The following CLYBL variants were observed in gnomAD, a reference collection of about 807,000 sequenced individuals.
CLYBL encodes the protein citramalyl-CoA lyase, mitochondrial.
CLYBL carries 31 observed loss-of-function variants against 38.9 expected under a neutral mutation model. The observed-to-expected ratio is 0.80, with a 90% CI of 0.60 to 1.08. The LOEUF (loss-of-function observed/expected upper bound fraction) is 1.08. Among genes scored for constraint, CLYBL ranks in the 50% least tolerant of loss-of-function variants. The probability of loss-of-function intolerance (pLI) is 0.00; values close to 1 mark genes in which losing one functional copy is unlikely to be tolerated. For missense variants in CLYBL, 434 were observed against 411.6 expected (o/e 1.05, Z -0.47); for synonymous variants, 171 against 158.6 (o/e 1.08, Z -0.59).
At chr13:99,729,828 G>A (rs544315829) in intron 1 of CLYBL, among the ~76,000 whole-genome samples, 22 of 152,296 alleles carry the variant, frequency 1.4e-4, no homozygotes, top group South Asian at 1.0e-3. Flanking sequence ...CCCTGCCACC[G>A]TCGGCCCTGT....
rs535296456 is a variant in CLYBL at position 99,606,721 on chromosome 13, C to T, written c.26C>T (p.Ala9Val). The change falls in exon 1 of 9, where the codon GCG (alanine) becomes GTG (valine). Residue 9 changes from alanine (A) to valine (V), a missense_variant. Physicochemically the swap from Ala to Val is moderately conservative, Grantham distance 64. Coordinates refer to ENST00000339105, the MANE Select transcript of CLYBL (RefSeq NM_206808.5). MALRLLRRAARGAAAAALL... is the reference protein window; with the variant it reads MALRLLRRVARGAAAAALL... ...ATGGCGCTACGTCTGCTGCGGAGGG[C>T]GGCGCGCGGAGCTGCGGCGGCGGCG... The T allele has an allele frequency of 6.6e-5, 98 of 1,490,182 alleles. 1 individual carries two copies. The highest frequency in any genetic ancestry group is 1.8e-4 in the South Asian group (14 of 78,516). The allele number at this position is 1,490,182 out of a possible 1,614,324, so 92.3% of individuals were successfully genotyped here. A position where few individuals can be genotyped will look rare whatever the true frequency, so the allele number is the denominator to read the frequency against.
At chr13:99,736,820 T>G (rs1014486760) in intron 1 of CLYBL, among the ~76,000 whole-genome samples, 2 of 152,198 alleles carry the variant, frequency 1.3e-5, no homozygotes, top group African/African-American at 4.8e-5. Flanking sequence ...TGTTCACATT[T>G]TTTGTCTGTT....
intron 1 of CLYBL, among the ~76,000 whole-genome samples, chr13:99,695,559 G>A (rs770183833): frequency 4.6e-5 from 7 of 151,472 alleles, no homozygotes; most frequent in African/African-American, 7.3e-5. Flanking sequence ...TCCCTCTGTC[G>A]CCCAGGCTGG....
At chr13:99,748,881 T>C (rs1195536987) in intron 1 of CLYBL, among the ~76,000 whole-genome samples, 1 of 152,136 alleles carries the variant, frequency 6.6e-6, no homozygotes, top group Non-Finnish European at 1.5e-5. Context: ...TTGTTTGCTC[T>C]CTCATTCTGT....
intron 2 of CLYBL, among the ~76,000 whole-genome samples, chr13:99,809,936 C>T (rs1465155470): frequency 6.6e-6 from 1 of 152,204 alleles, no homozygotes; most frequent in East Asian, 1.9e-4. Flanking sequence ...ATCAGCTCAT[C>T]CATCCCGACT....
intron 1 of CLYBL, among the ~76,000 whole-genome samples, chr13:99,627,393 A>G (rs1594090112): frequency 6.6e-6 from 1 of 152,142 alleles, no homozygotes; most frequent in Non-Finnish European, 1.5e-5. Context: ...TTATATCCTT[A>G]GTTGTTGGTG....
At chr13:99,902,502 G>A (rs894092490) in intron 8 of CLYBL, among the ~76,000 whole-genome samples, 14 of 152,168 alleles carry the variant, frequency 9.2e-5, no homozygotes, top group South Asian at 2.1e-4. Context: ...TTCAGAGGGC[G>A]CCACTGGCCT....
intron 7 of CLYBL, among the ~76,000 whole-genome samples, chr13:99,882,820 A>G (rs1347422633): frequency 6.6e-6 from 1 of 152,090 alleles, no homozygotes; most frequent in African/African-American, 2.4e-5. Context: ...ACTAGAGTAG[A>G]GGTTATAGTT....
intron 1 of CLYBL, among the ~76,000 whole-genome samples, chr13:99,629,248 C>T (rs997622569): frequency 1.3e-5 from 2 of 152,192 alleles, no homozygotes; most frequent in Admixed American, 6.5e-5. Context: ...TGTTCACCAT[C>T]CTAAGAGTGG....
chr13:99,906,293 GT>G (rs1433637687), intron 9 of CLYBL, among the ~76,000 whole-genome samples: 2 of 152,134 alleles, frequency 1.3e-5, no homozygotes, highest in African/African-American at 4.8e-5. Context: ...ACATTTAAAA[GT>G]TTTCAAATCA....
chr13:99,672,190 CTTTTTTTTTTTCT>C (rs2047575373), intron 1 of CLYBL, among the ~76,000 whole-genome samples: 1 of 144,806 alleles, frequency 6.9e-6, no homozygotes, highest in African/African-American at 2.6e-5. Flanking sequence ...TCGGGAATTT[CTTTTTTTTTTTCT>C]TTTTTTTTTT....
intron 2 of CLYBL, among the ~76,000 whole-genome samples, chr13:99,836,254 G>A (rs2050932062): frequency 6.6e-6 from 1 of 152,130 alleles, no homozygotes; most frequent in Non-Finnish European, 1.5e-5. Context: ...GGACAGAGAC[G>A]CAGATCTAGA....
intron 1 of CLYBL, among the ~76,000 whole-genome samples, chr13:99,702,831 T>G (rs2048089407): frequency 6.6e-6 from 1 of 152,124 alleles, no homozygotes; most frequent in South Asian, 2.1e-4. Context: ...TGCCTTTAGT[T>G]CTTCTGGATT....
intron 1 of CLYBL, among the ~76,000 whole-genome samples, chr13:99,661,966 T>C (rs2047415054): frequency 6.6e-6 from 1 of 152,150 alleles, no homozygotes; most frequent in African/African-American, 2.4e-5. Context: ...CAAACTAAAC[T>C]TTTGTGAAGA....
chr13:99,781,565 C>G (rs557604082), intron 2 of CLYBL, among the ~76,000 whole-genome samples: 2 of 151,946 alleles, frequency 1.3e-5, no homozygotes. Flanking sequence ...AACCTCTGCC[C>G]CCCGGGTTCA....
intron 1 of CLYBL, among the ~76,000 whole-genome samples, chr13:99,754,573 C>CT (rs892163344): frequency 1.3e-5 from 2 of 151,040 alleles, no homozygotes; most frequent in Non-Finnish European, 3.0e-5. Context: ...TCTAGATGAT[C>CT]TTTTTTTGTT....
chr13:99,885,007 A>G (rs1306030758), intron 7 of CLYBL: 3 of 501,164 alleles, frequency 6.0e-6, no homozygotes, highest in Admixed American at 4.3e-5. Context: ...TTGGCTTTGC[A>G]TTCAGCCTTT....
intron 7 of CLYBL, among the ~76,000 whole-genome samples, chr13:99,877,352 A>T (rs1363562824): frequency 6.6e-6 from 1 of 151,948 alleles, no homozygotes; most frequent in African/African-American, 2.4e-5. Flanking sequence ...CTAAGGATGG[A>T]TGGGTCTGTG....
intron 2 of CLYBL, among the ~76,000 whole-genome samples, chr13:99,850,342 G>C (rs894694619): frequency 3.9e-5 from 6 of 152,098 alleles, no homozygotes; most frequent in African/African-American, 1.4e-4. Flanking sequence ...TTTAAAAGTG[G>C]GCAAGGGACT....
Sources: gnomAD v4.1 joint callset for allele counts (sites outside exome capture counted in the v4.1 genomes callset) on GRCh38, gnomAD v4.1.1 for gene constraint, MANE v1.5 for transcripts, NCBI Gene and HGNC (gene_info 2026-07-23, HGNC 2026-07-21) for gene names.